The following SAMMSON variants were observed in gnomAD, a reference collection of about 807,000 sequenced individuals.
SAMMSON encodes the protein survival associated mitochondrial melanoma specific oncogenic non-coding RNA.
intron 3 of SAMMSON, among the ~76,000 whole-genome samples, chr3:70,037,439 G>A (rs944025300): frequency 4.6e-5 from 7 of 152,170 alleles, no homozygotes; most frequent in South Asian, 2.1e-4. Context: ...CCTCCGCCCC[G>A]ACTACTTTTA....
At chr3:70,281,434 T>C (rs1702082267) in intron 6 of SAMMSON, among the ~76,000 whole-genome samples, 2 of 152,186 alleles carry the variant, frequency 1.3e-5, no homozygotes, top group African/African-American at 4.8e-5. Flanking sequence ...CTTTACCATT[T>C]TCTAGGCAAG....
At chr3:70,363,333 T>A (rs1432261082) in intron 9 of SAMMSON, among the ~76,000 whole-genome samples, 1 of 151,714 alleles carries the variant, frequency 6.6e-6, no homozygotes, top group Non-Finnish European at 1.5e-5. Flanking sequence ...AGCCAGAGAA[T>A]GAGGAAAGAG....
At chr3:70,112,520 A>G (rs1040742062) in intron 4 of SAMMSON, among the ~76,000 whole-genome samples, 38 of 152,144 alleles carry the variant, frequency 2.5e-4, no homozygotes, top group African/African-American at 9.2e-4. Flanking sequence ...GCCTGAAAGG[A>G]TATTGATATG....
intron 2 of SAMMSON, among the ~76,000 whole-genome samples, chr3:70,425,497 C>T (rs1385119576): frequency 3.3e-5 from 5 of 151,812 alleles, no homozygotes; most frequent in African/African-American, 4.8e-5. Flanking sequence ...CTGCAAGATC[C>T]GCCTCCCAGG....
chr3:70,213,194 A>T lies in SAMMSON; in HGVS notation n.508-35913A>T, dbSNP rs528008296. 1.9e-3 allele frequency among the ~76,000 whole-genome samples: 291 copies of T among 152,076 alleles called. 1 individual carries two copies. Among genetic ancestry groups the T allele is most frequent in the African/African-American group, 6.9e-3 (287 of 41,476 alleles). On this transcript the variant is annotated intron_variant and non_coding_transcript_variant, in intron 4 of 9. Transcript: ENST00000642114. ...TTGATATGTTCCCAGGCTGGACTAG[A>T]GCTCCTGGGCTCAAGTGATCCTTTC...
chr3:70,305,193 A>G (rs1229762691), intron 7 of SAMMSON, among the ~76,000 whole-genome samples: 1 of 152,154 alleles, frequency 6.6e-6, no homozygotes, highest in Non-Finnish European at 1.5e-5. Context: ...ACTCATTTAT[A>G]TGACTTACAA....
chr3:70,193,023 A>G (rs1421581711), intron 4 of SAMMSON, among the ~76,000 whole-genome samples: 1 of 152,168 alleles, frequency 6.6e-6, no homozygotes, highest in East Asian at 1.9e-4. Context: ...CCTGCCCTCC[A>G]TTGTGACATC....
chr3:70,181,456 G>T (rs1209912557), intron 4 of SAMMSON, among the ~76,000 whole-genome samples: 3 of 152,160 alleles, frequency 2.0e-5, no homozygotes, highest in Non-Finnish European at 2.9e-5. Flanking sequence ...TCAGAGATAA[G>T]CAGACCAGGG....
chr3:70,136,421 C>T (rs747295553), intron 4 of SAMMSON, among the ~76,000 whole-genome samples: 1 of 152,198 alleles, frequency 6.6e-6, no homozygotes, highest in Non-Finnish European at 1.5e-5. Context: ...GAACTGAGGC[C>T]TTTGCCAATA....
chr3:70,242,649 G>A (rs1481399352), intron 4 of SAMMSON, among the ~76,000 whole-genome samples: 2 of 152,138 alleles, frequency 1.3e-5, no homozygotes, highest in African/African-American at 2.4e-5. Context: ...ATGTATTGAC[G>A]TTCATGTGTT....
At chr3:70,043,794 G>T (rs966658252) in intron 3 of SAMMSON, among the ~76,000 whole-genome samples, 1 of 151,996 alleles carries the variant, frequency 6.6e-6, no homozygotes, top group African/African-American at 2.4e-5. Context: ...GCCAACTAAA[G>T]ATGCATTTTT....
chr3:70,395,348 T>TTTTTTG (rs545231969), intron 2 of SAMMSON, among the ~76,000 whole-genome samples: 16 of 149,850 alleles, frequency 1.1e-4, no homozygotes, highest in African/African-American at 3.7e-4. Flanking sequence ...TTTTTTTTTT[T>TTTTTTG]TGTGTTGTTG....
At chr3:70,181,067 G>A (rs536728491) in intron 4 of SAMMSON, among the ~76,000 whole-genome samples, 9 of 152,242 alleles carry the variant, frequency 5.9e-5, no homozygotes, top group African/African-American at 1.9e-4. Context: ...ATTTATCATG[G>A]GAACAGTGGG....
At chr3:70,289,039 G>A (rs977457738) in intron 6 of SAMMSON, among the ~76,000 whole-genome samples, 3 of 152,000 alleles carry the variant, frequency 2.0e-5, no homozygotes, top group African/African-American at 7.3e-5. Context: ...TCTTTTAATT[G>A]GAGCATTTAG....
intron 3 of SAMMSON, among the ~76,000 whole-genome samples, chr3:70,033,113 A>T (rs990714077): frequency 6.6e-6 from 1 of 152,268 alleles, no homozygotes; most frequent in East Asian, 1.9e-4. Flanking sequence ...ATGGAAGCCA[A>T]TTGACTTTAA....
chr3:70,150,537 C>A (rs992391823), intron 4 of SAMMSON, among the ~76,000 whole-genome samples: 2 of 151,914 alleles, frequency 1.3e-5, no homozygotes, highest in African/African-American at 2.4e-5. Context: ...AGGAGTTGAA[C>A]CATAGTTGGC....
chr3:70,182,244 G>A (rs1701059475), intron 4 of SAMMSON, among the ~76,000 whole-genome samples: 2 of 152,260 alleles, frequency 1.3e-5, no homozygotes, highest in Admixed American at 1.3e-4. Flanking sequence ...AAGGGGTGGG[G>A]GAGCTGAAAA....
rs563248900 is a variant in SAMMSON at position 70,433,751 on chromosome 3, C to A, written n.234-28809C>A. ...AACCCAAGGTCACCTAGATTTCCCCCCATGTTATGTAATAGTTTTATAGTT... is the reference window on the plus strand; with the variant it reads ...AACCCAAGGTCACCTAGATTTCCCCACATGTTATGTAATAGTTTTATAGTT... On this transcript the variant is annotated intron_variant and non_coding_transcript_variant, in intron 2 of 3. Transcript: ENST00000641053. 3.3e-5 allele frequency among the ~76,000 whole-genome samples: 5 copies of A among 152,138 alleles called. 1 individual carries two copies. The highest frequency in any genetic ancestry group is 1.2e-4 in the African/African-American group (5 of 41,528).
At position 70,228,137 on chromosome 3, in the gene SAMMSON, G is replaced by A. The variant is rs77458393; in HGVS notation, n.508-20970G>A. ...AGTTCAACATTTAAAAGTGAAGAAG[G>A]TGGTAAGAGTTGTCTTTACTGTCCT... On this transcript the variant is annotated intron_variant and non_coding_transcript_variant, in intron 4 of 9. Transcript: ENST00000642114. Among the ~76,000 whole-genome samples, 7 of 152,008 alleles carry A rather than the reference G, an allele frequency of 4.6e-5. No homozygotes were observed. In the East Asian group the frequency reaches 1.4e-3, roughly 29 times the overall value.
Sources: allele counts gnomAD v4.1 joint callset (sites outside exome capture counted in the v4.1 genomes callset), GRCh38; gene constraint gnomAD v4.1.1; transcripts MANE v1.5; gene names NCBI Gene and HGNC (gene_info 2026-07-23, HGNC 2026-07-21).